TNFRSF10A: variants seen among roughly 807,000 people sequenced by gnomAD.
TNFRSF10A encodes TNF receptor superfamily member 10a, also known as tumor necrosis factor receptor superfamily member 10A.
Under a neutral mutation model 42.8 loss-of-function variants are expected in TNFRSF10A, and 44 were observed. That is an observed-to-expected ratio of 1.03 (90% CI 0.81 to 1.32). The LOEUF (loss-of-function observed/expected upper bound fraction) is 1.32, where lower values mean the gene tolerates loss of function less well. Ranked by LOEUF, TNFRSF10A falls within the 40% of genes most tolerant of loss-of-function variation. The pLI is 0.00. For missense variants in TNFRSF10A, 680 were observed against 602.0 expected (o/e 1.13, Z -1.36); for synonymous variants, 259 against 234.2 (o/e 1.11, Z -0.97).
intron 1 of TNFRSF10A, 96 bp downstream of exon 1, chr8:23,224,660 C>A: frequency 1.4e-6 from 2 of 1,434,190 alleles, no homozygotes. Flanking sequence ...CCACAAGTGA[C>A]CCGGGCCAGG....
At chr8:23,215,780 G>C (rs917025223) in intron 1 of TNFRSF10A, among the ~76,000 whole-genome samples, 1 of 150,916 alleles carries the variant, frequency 6.6e-6, no homozygotes, top group Non-Finnish European at 1.5e-5. Context: ...GGTATTTCAT[G>C]CTGTTGTTCT....
intron 2 of TNFRSF10A, among the ~76,000 whole-genome samples, chr8:23,208,467 T>C (rs1005140112): frequency 6.6e-6 from 1 of 152,208 alleles, no homozygotes; most frequent in Non-Finnish European, 1.5e-5. Flanking sequence ...GTTTTGTTTT[T>C]TGTTTTTGAG....
intron 2 of TNFRSF10A, among the ~76,000 whole-genome samples, chr8:23,206,138 G>A (rs548446116): frequency 2.4e-4 from 37 of 152,080 alleles, no homozygotes; most frequent in Non-Finnish European, 4.6e-4. Flanking sequence ...TTGTACAGCT[G>A]TACAGTTTTT....
chr8:23,200,318 G>C (rs957396145), intron 6 of TNFRSF10A, among the ~76,000 whole-genome samples, 187 bp downstream of exon 6: 1 of 152,160 alleles, frequency 6.6e-6, no homozygotes, highest in Admixed American at 6.5e-5. Flanking sequence ...AGCCTTGGGA[G>C]AGGGACGGAT....
intron 2 of TNFRSF10A, chr8:23,206,847 T>C (rs2128849294): frequency 1.7e-5 from 3 of 180,822 alleles, no homozygotes; most frequent in East Asian, 2.9e-4. Context: ...ACAATGTGAA[T>C]AGACATATAG....
chr8:23,191,811 A>T lies in TNFRSF10A; in HGVS notation c.1290T>A (p.Asp430Glu). The change falls in exon 10 of 10, where the codon GAT (aspartate) becomes GAA (glutamate). Residue 430 changes from aspartate (D) to glutamate (E), a missense_variant. Asp to Glu is a conservative substitution (Grantham distance 45). Coordinates refer to ENST00000221132, the MANE Select transcript of TNFRSF10A (RefSeq NM_003844.4). ...GRNASIHTLL[D>E]ALERMEERHA... The stretch of plus-strand genomic sequence containing the variant: ...GTCTCTCTTCCATCCTCTCCAAGGC[A>T]TCCAGCAGGGTGTGGATCGAGGCGT... The T allele has an allele frequency of 6.2e-7, 1 of 1,614,028 alleles. No homozygotes were observed. Among genetic ancestry groups the T allele is most frequent in the African/African-American group, 1.3e-5 (1 of 74,990 alleles).
chr8:23,220,481 T>G (rs936379729), intron 1 of TNFRSF10A, among the ~76,000 whole-genome samples: 3 of 152,220 alleles, frequency 2.0e-5, no homozygotes, highest in African/African-American at 7.2e-5. Context: ...CGTGCTCCTC[T>G]TCAGCTGTGA....
intron 2 of TNFRSF10A, among the ~76,000 whole-genome samples, chr8:23,209,745 G>C (rs1189153701): frequency 6.6e-6 from 1 of 152,204 alleles, no homozygotes; most frequent in African/African-American, 2.4e-5. Flanking sequence ...ACTTGCTTTT[G>C]ATTTTATAGG....
At chr8:23,214,485 C>CA (rs11411650) in intron 1 of TNFRSF10A, among the ~76,000 whole-genome samples, 40,672 of 139,352 alleles carry the variant, frequency 0.29, 5,966 homozygotes, top group East Asian at 0.68. Context: ...CAGACTGTCT[C>CA]AAAAAAAAAA....
intron 2 of TNFRSF10A, 144 bp downstream of exon 2, chr8:23,211,972 G>C: frequency 1.5e-6 from 1 of 666,444 alleles, no homozygotes. Flanking sequence ...CTGTTGAATA[G>C]AAGAACCAGA....
At chr8:23,193,710 C>T (rs1800784749) in intron 9 of TNFRSF10A, among the ~76,000 whole-genome samples, 1 of 152,160 alleles carries the variant, frequency 6.6e-6, no homozygotes, top group Non-Finnish European at 1.5e-5. Context: ...AGAGGAAGCA[C>T]CCTGCCTGTT....
chr8:23,217,315 A>C (rs1430807488), intron 1 of TNFRSF10A, among the ~76,000 whole-genome samples: 1 of 152,064 alleles, frequency 6.6e-6, no homozygotes, highest in Non-Finnish European at 1.5e-5. Flanking sequence ...TCCCTGGTTC[A>C]AGTGATTCTC....
At position 23,200,721 on chromosome 8, in the gene TNFRSF10A, G is replaced by A. The variant is rs1008280772; in HGVS notation, c.669C>T (p.Pro223=). ...TGTGGACACACTCGATGTCACTCCA[G>A]GGCGTACAATCCTTGACCTTGACCA... The part of the protein sequence containing the change: ...RGMVKVKDCT[P]WSDIECVHKE... Residue 223 remains proline (P), a synonymous_variant, in exon 5 of 10, where the codon CCC becomes CCT. Coordinates refer to ENST00000221132, the MANE Select transcript of TNFRSF10A (RefSeq NM_003844.4). The A allele has an allele frequency of 1.9e-6, 3 of 1,613,968 alleles. No individual in the cohort carries two copies. Among genetic ancestry groups the A allele is most frequent in the African/African-American group, 2.7e-5 (2 of 74,886 alleles).
intron 1 of TNFRSF10A, among the ~76,000 whole-genome samples, chr8:23,217,527 C>T (rs4532600): frequency 0.27 from 40,532 of 151,890 alleles, 5,902 homozygotes; most frequent in East Asian, 0.68. Context: ...GAATTCACTT[C>T]TAACACTAAA....
At chr8:23,222,466 AC>A (rs1801270751) in intron 1 of TNFRSF10A, among the ~76,000 whole-genome samples, 1 of 152,216 alleles carries the variant, frequency 6.6e-6, no homozygotes, top group Admixed American at 6.5e-5. Context: ...CATGTGTTTC[AC>A]CCATGCACTA....
chr8:23,208,212 A>G (rs951874968), intron 2 of TNFRSF10A, among the ~76,000 whole-genome samples: 1 of 152,172 alleles, frequency 6.6e-6, no homozygotes, highest in Admixed American at 6.5e-5. Context: ...TTAGCAAAGA[A>G]AGCAAAGAGA....
chr8:23,205,831 C>G (rs935008885), intron 2 of TNFRSF10A, among the ~76,000 whole-genome samples: 13 of 151,634 alleles, frequency 8.6e-5, no homozygotes, highest in African/African-American at 3.1e-4. Flanking sequence ...CTGCCTCAGC[C>G]TCAGCCTCCC....
chr8:23,223,267 G>A (rs140417858), intron 1 of TNFRSF10A, among the ~76,000 whole-genome samples: 4 of 151,932 alleles, frequency 2.6e-5, no homozygotes, highest in Non-Finnish European at 5.9e-5. Context: ...GGGTTTCACC[G>A]TGTTGGCCAG....
chr8:23,224,158 G>A (rs1469683640), intron 1 of TNFRSF10A, among the ~76,000 whole-genome samples: 2 of 151,948 alleles, frequency 1.3e-5, no homozygotes, highest in Non-Finnish European at 2.9e-5. Context: ...AAATTAGCCG[G>A]GCGTGGTGGC....
Sources: allele counts gnomAD v4.1 joint callset (sites outside exome capture counted in the v4.1 genomes callset), GRCh38; gene constraint gnomAD v4.1.1; transcripts MANE v1.5; gene names NCBI Gene and HGNC (gene_info 2026-07-23, HGNC 2026-07-21).